MORN1: variants seen among roughly 807,000 people sequenced by gnomAD.
MORN1 encodes the protein MORN repeat containing 1.
A neutral mutation model predicts 61.9 loss-of-function variants in MORN1; 67 were observed. The ratio of observed to expected loss-of-function variants is 1.08; its 90% confidence interval spans 0.89 to 1.33. The LOEUF is 1.33. MORN1 is among the 40% of genes most tolerant of loss of function. The pLI, the probability that MORN1 is intolerant of heterozygous loss-of-function variation, is 0.00. For missense variants in MORN1, 752 were observed against 691.2 expected (o/e 1.09, Z -0.99); for synonymous variants, 301 against 292.0 (o/e 1.03, Z -0.31).
intron 10 of MORN1, among the ~76,000 whole-genome samples, chr1:2,348,224 C>T (rs936411211): frequency 3.3e-5 from 5 of 152,230 alleles, no homozygotes; most frequent in East Asian, 1.9e-4. Context: ...CCCGTGTGGC[C>T]GTGTCTGAGG....
rs182533107 is a variant in MORN1, at chr1:2,368,981, C to T, written c.745+3500G>A. 3.4e-3 allele frequency among the ~76,000 whole-genome samples: 518 copies of T among 150,718 alleles called. 3 individuals are homozygous for T. Among genetic ancestry groups the T allele is most frequent in the South Asian group, 6.1e-3 (29 of 4,718 alleles). On this transcript the variant is annotated intron_variant, in intron 8 of 13. Transcript: ENST00000378531. The stretch of plus-strand genomic sequence containing the variant: ...CTGAGGCAGGAGAATCGCTTGAGCC[C>T]GGGAAGCAGAGGTTGCAGTGAGCTG...
At chr1:2,371,783 T>G (rs1159915548) in intron 8 of MORN1, 1 of 162,856 alleles carries the variant, frequency 6.1e-6, no homozygotes, top group African/African-American at 2.4e-5. Context: ...TGATGGCACA[T>G]GCCTGTAATC....
intron 12 of MORN1, among the ~76,000 whole-genome samples, chr1:2,327,439 C>T (rs1005171793): frequency 2.6e-5 from 4 of 151,718 alleles, no homozygotes; most frequent in Non-Finnish European, 2.9e-5. Flanking sequence ...AACACAGCGA[C>T]GCAGAAACAC....
At chr1:2,324,511 CCT>C (rs1346210356) in intron 12 of MORN1, among the ~76,000 whole-genome samples, 1 of 152,330 alleles carries the variant, frequency 6.6e-6, no homozygotes, top group Middle Eastern at 3.4e-3. Flanking sequence ...ACCCTGAGCC[CCT>C]GAGAGACGGC....
At chr1:2,379,270 G>A (rs1177481719) in intron 6 of MORN1, 1 of 411,226 alleles carries the variant, frequency 2.4e-6, no homozygotes, top group Non-Finnish European at 5.0e-6. Flanking sequence ...GGTGGGCAGA[G>A]GTGAAGGCCA....
At position 2,339,726 on chromosome 1, in the gene MORN1, T is replaced by C. The variant is rs538207619; in HGVS notation, c.1037-2876A>G. 2.6e-4 allele frequency among the ~76,000 whole-genome samples: 40 copies of C among 152,172 alleles called. No individual in the cohort carries two copies. In the South Asian group the frequency reaches 7.5e-3, roughly 28 times the overall value. ...GTCCCCCTCGCCCTTCAGTCCATTG[T>C]TTACACGGGACCCTCACACGGAAGC... On this transcript the variant is annotated intron_variant, in intron 10 of 13. Transcript: ENST00000378531.
intron 10 of MORN1, among the ~76,000 whole-genome samples, chr1:2,347,707 C>T (rs918131226): frequency 2.6e-5 from 4 of 152,174 alleles, no homozygotes; most frequent in African/African-American, 7.2e-5. Flanking sequence ...GTTCTGACTG[C>T]GGGACAGGGA....
At chr1:2,335,846 C>CCCGGCCCGGCCCGGCCCG (rs370659459) in intron 12 of MORN1, among the ~76,000 whole-genome samples, 1 of 149,926 alleles carries the variant, frequency 6.7e-6, no homozygotes, top group African/African-American at 2.5e-5. Context: ...CCCAGCCCAG[C>CCCGGCCCGGCCCGGCCCG]GCGCAGCTGC....
At chr1:2,383,489 C>T (rs1642417299) in intron 6 of MORN1, among the ~76,000 whole-genome samples, 1 of 152,354 alleles carries the variant, frequency 6.6e-6, no homozygotes, top group East Asian at 1.9e-4. Context: ...CCAACCACTG[C>T]TCCAACTTTC....
chr1:2,356,412 C>CA (rs1222404855), intron 10 of MORN1, among the ~76,000 whole-genome samples: 3 of 152,178 alleles, frequency 2.0e-5, no homozygotes, highest in Admixed American at 2.0e-4. Flanking sequence ...GGGCTCAGCA[C>CA]AGCCTCTCAG....
At position 2,370,862 on chromosome 1, in the gene MORN1, T is replaced by C. The variant is rs527394137; in HGVS notation, c.745+1619A>G. Among the ~76,000 whole-genome samples the C allele has an allele frequency of 4.2e-5, 6 of 143,686 alleles. No individual in the cohort carries two copies. In the South Asian group the frequency reaches 1.3e-3, roughly 32 times the overall value. 94.3% of individuals were successfully genotyped at this position (143,686 alleles called of 152,430 possible). A position where few individuals can be genotyped will look rare whatever the true frequency, so the allele number is the denominator to read the frequency against. The stretch of plus-strand genomic sequence containing the variant: ...ACCAGCTAATTAAAAACAATTTTGG[T>C]TTTTTTTTTTAGGGATGGGGTCTCA... On this transcript the variant is annotated intron_variant, in intron 8 of 13. Coordinates refer to ENST00000378531, the MANE Select transcript of MORN1 (RefSeq NM_024848.3).
intron 10 of MORN1, among the ~76,000 whole-genome samples, chr1:2,342,059 G>C (rs933513103): frequency 6.6e-6 from 1 of 152,262 alleles, no homozygotes; most frequent in Non-Finnish European, 1.5e-5. Context: ...TCTCAGGAGT[G>C]CCTTCCAAGC....
At chr1:2,342,462 G>C (rs1321584208) in intron 10 of MORN1, among the ~76,000 whole-genome samples, 1 of 152,246 alleles carries the variant, frequency 6.6e-6, no homozygotes, top group Non-Finnish European at 1.5e-5. Context: ...GTCTCGTTTG[G>C]AGGTGACCAG....
intron 13 of MORN1, chr1:2,323,405 G>A: frequency 1.0e-6 from 1 of 985,420 alleles, no homozygotes. Context: ...CCAGACGAAG[G>A]GTCATTCATG....
At position 2,357,438 on chromosome 1, in the gene MORN1, G is replaced by C; in HGVS notation, c.1030C>G (p.Leu344Val). 6.2e-7 allele frequency: 1 copy of C among 1,602,624 alleles called. No homozygotes were observed. Among genetic ancestry groups the C allele is most frequent in the Non-Finnish European group, 8.5e-7 (1 of 1,174,450 alleles). The change falls in exon 10 of 14, where the codon CTG becomes GTG. Residue 344 changes from leucine (L) to valine (V), a missense_variant. Leu to Val is a conservative substitution (Grantham distance 32, BLOSUM62 1). Transcript: ENST00000378531. This position sits in a 1 kb window ranked among gnomAD's most constrained non-coding sequence, Gnocchi z 6.3. ...LHGQEDTPGG[L>V]LARGHAPHCP... ...GTTTGTGAGCTCCACTTACCAAGCA[G>C]GCCACCAGGGGTGTCCTCCTGGCCA... is the stretch of plus-strand genomic sequence containing the variant.
intron 6 of MORN1, among the ~76,000 whole-genome samples, chr1:2,380,116 G>T (rs148379107): frequency 6.6e-6 from 1 of 152,186 alleles, no homozygotes; most frequent in Non-Finnish European, 1.5e-5. Flanking sequence ...TGGGGACACC[G>T]CGCCGGGTGA....
chr1:2,356,362 G>A (rs1406934724), intron 10 of MORN1, among the ~76,000 whole-genome samples: 1 of 152,156 alleles, frequency 6.6e-6, no homozygotes, highest in African/African-American at 2.4e-5. Flanking sequence ...GCATGTGGAA[G>A]GTGGTGGCAC....
chr1:2,368,557 T>A (rs1049066333), intron 8 of MORN1, among the ~76,000 whole-genome samples: 1 of 152,200 alleles, frequency 6.6e-6, no homozygotes, highest in Non-Finnish European at 1.5e-5. Flanking sequence ...GCTTCCTCCC[T>A]GACCCTGTTT....
intron 5 of MORN1, chr1:2,385,454 C>A: frequency 2.8e-6 from 1 of 355,760 alleles, no homozygotes; most frequent in Non-Finnish European, 5.2e-6. Flanking sequence ...GGAGGCTCTG[C>A]TGGCCGGAGA....
Sources: allele counts gnomAD v4.1 joint callset (sites outside exome capture counted in the v4.1 genomes callset), GRCh38; gene constraint gnomAD v4.1.1; non-coding constraint Gnocchi (gnomAD v3.1); transcripts MANE v1.5; gene names NCBI Gene and HGNC (gene_info 2026-07-23, HGNC 2026-07-21).